TRAP1: variants seen among roughly 807,000 people sequenced by gnomAD.
TRAP1 encodes heat shock protein 75 kDa, mitochondrial.
TRAP1 carries 102 observed loss-of-function variants against 89.1 expected under a neutral mutation model. The observed-to-expected ratio is 1.15, with a 90% CI of 0.98 to 1.35. The LOEUF is 1.35. Among genes scored for constraint, TRAP1 ranks in the 40% most tolerant of loss-of-function variants. The pLI is 0.00. For missense variants in TRAP1, 1,256 were observed against 945.3 expected, an observed-to-expected ratio of 1.33 and a Z score of -4.31; for synonymous variants, 508 against 388.0, an observed-to-expected ratio of 1.31 and a Z score of -3.64.
chr16:3,698,496 G>GTT (rs2051320714), intron 1 of TRAP1, among the ~76,000 whole-genome samples: 1 of 151,742 alleles, frequency 6.6e-6, no homozygotes, highest in African/African-American at 2.4e-5. Flanking sequence ...TAGAGATGGG[G>GTT]TTTCACCGTG....
At position 3,663,033 on chromosome 16, in the gene TRAP1, A is replaced by G. The variant is rs2043174072; in HGVS notation, c.1709-66T>C. 4.5e-5 allele frequency: 59 copies of G among 1,299,028 alleles called. 1 individual carries two copies. The South Asian group carries it at 7.3e-4, about 16-fold the overall frequency. 80.5% of individuals were successfully genotyped at this position (1,299,028 alleles called of 1,614,324 possible). A position where few individuals can be genotyped will look rare whatever the true frequency, so the allele number is the denominator to read the frequency against. Reference sequence around the variant, plus strand: ...CAACTCCCCGGCTTCCATGGGGGCCACGCAGCATGCTTCCAGCTCCCACCT... The same window carrying G: ...CAACTCCCCGGCTTCCATGGGGGCCGCGCAGCATGCTTCCAGCTCCCACCT... On this transcript the variant is annotated intron_variant, in intron 14 of 17. Transcript: ENST00000246957.
In TRAP1 at chr16:3,717,325, G is replaced by A. The variant is rs2051610884; in HGVS notation, c.88+96C>T. ...TCGCCGGACCTCCCACGCCTGTGAA[G>A]CAGGTGCCGGCGCCTCGCTCCCCGG... On this transcript the variant is annotated intron_variant, in intron 1 of 17. Transcript: ENST00000246957. 19 of 431,944 alleles carry A rather than the reference G, an allele frequency of 4.4e-5. No individual in the cohort carries two copies. The South Asian group carries it at 1.7e-3, about 38-fold the overall frequency. 26.8% of individuals were successfully genotyped at this position (431,944 alleles called of 1,614,324 possible).
At chr16:3,677,898 C>A in intron 5 of TRAP1, 1 of 494,914 alleles carries the variant, frequency 2.0e-6, no homozygotes, top group Non-Finnish European at 3.6e-6. Flanking sequence ...TCCCAAAGCT[C>A]ACAGTCCTGC....
chr16:3,711,782 G>A (rs904656568), intron 1 of TRAP1, among the ~76,000 whole-genome samples: 3 of 152,130 alleles, frequency 2.0e-5, no homozygotes, highest in African/African-American at 4.8e-5. Context: ...GTTAAATGCT[G>A]TGGAACTACA....
intron 12 of TRAP1, 60 bp from the exon 13 acceptor site, chr16:3,664,519 C>T: frequency 6.6e-7 from 1 of 1,525,650 alleles, no homozygotes. Flanking sequence ...TGTTGCCCAA[C>T]TAACTGGGCG....
rs762163132 is a variant in TRAP1, at chr16:3,677,541, A to G, written c.661T>C (p.Ser221Pro). The G allele has an allele frequency of 1.7e-5, 27 of 1,614,054 alleles. No homozygotes were observed. The highest frequency in any genetic ancestry group is 2.0e-5 in the Non-Finnish European group (24 of 1,180,044). The part of the protein sequence containing the change: ...VADRVEVYSR[S>P]AAPGSLGYQW... ...TAACCCAGGCTCCCCGGGGCTGCCG[A>G]GCGGGAATAGACCTCCACTCTGTCA... The change falls in exon 6 of 18, where the codon TCG (serine) becomes CCG (proline). Residue 221 changes from serine to proline, a missense_variant. Transcript: ENST00000246957.
chr16:3,662,667 G>A (rs1282807871), intron 15 of TRAP1: 3 of 690,238 alleles, frequency 4.3e-6, no homozygotes, highest in Non-Finnish European at 7.9e-6. Flanking sequence ...CACCTGCTCT[G>A]GAGCAGGGCT....
rs182521999 is a variant in TRAP1, at chr16:3,706,839, G to T, written c.88+10582C>A. 2.6e-3 allele frequency among the ~76,000 whole-genome samples: 390 copies of T among 152,170 alleles called. 2 individuals are homozygous for T. Among genetic ancestry groups the T allele is most frequent in the African/African-American group, 9.2e-3 (381 of 41,522 alleles). On this transcript the variant is annotated intron_variant, in intron 1 of 17. Transcript: ENST00000246957. ...GAATAATGCTGCTATGAACATTCATGTGTAGGCTGTTCTGTGGACATGTTT... is the reference window on the plus strand; with the variant it reads ...GAATAATGCTGCTATGAACATTCATTTGTAGGCTGTTCTGTGGACATGTTT...
chr16:3,684,676 G>A (rs1442343294), intron 4 of TRAP1, among the ~76,000 whole-genome samples: 1 of 152,128 alleles, frequency 6.6e-6, no homozygotes, highest in African/African-American at 2.4e-5. Flanking sequence ...CGTAATCCCA[G>A]CTACTCAGGA....
At chr16:3,692,076 T>C (rs749294538) in intron 1 of TRAP1, among the ~76,000 whole-genome samples, 1 of 152,116 alleles carries the variant, frequency 6.6e-6, no homozygotes, top group African/African-American at 2.4e-5. Flanking sequence ...GTCAGTAGAT[T>C]TGCAATACGT....
intron 11 of TRAP1, among the ~76,000 whole-genome samples, chr16:3,669,176 C>A (rs2050876846): frequency 6.6e-6 from 1 of 152,248 alleles, no homozygotes; most frequent in Admixed American, 6.5e-5. Context: ...GCCCTCTCTT[C>A]ACTGAAGTGA....
At chr16:3,685,564 T>C (rs1012204842) in intron 4 of TRAP1, among the ~76,000 whole-genome samples, 1 of 152,124 alleles carries the variant, frequency 6.6e-6, no homozygotes, top group African/African-American at 2.4e-5. Flanking sequence ...GGCCCCTACC[T>C]GATCCTCTTT....
At position 3,662,983 on chromosome 16, in the gene TRAP1, C is replaced by T. The variant is rs181018245; in HGVS notation, c.1709-16G>A. The T allele has an allele frequency of 1.4e-4, 223 of 1,585,858 alleles. 1 individual carries two copies. The East Asian group carries it at 3.0e-3, about 21-fold the overall frequency. The stretch of plus-strand genomic sequence containing the variant: ...CACTCGGCGGCTGCGGAAGAGCAGG[C>T]GACAGGGAGCTCAGGCCTGCATCCC... On this transcript the variant is annotated splice_polypyrimidine_tract_variant and intron_variant, in intron 14 of 17. Coordinates refer to ENST00000246957, the MANE Select transcript of TRAP1 (RefSeq NM_016292.3).
At chr16:3,713,030 G>C (rs1421480429) in intron 1 of TRAP1, among the ~76,000 whole-genome samples, 1 of 152,202 alleles carries the variant, frequency 6.6e-6, no homozygotes, top group Admixed American at 6.6e-5. Context: ...CCGTCTAAGT[G>C]CCAGCACCAC....
chr16:3,672,369 G>A (rs922172111), intron 10 of TRAP1, among the ~76,000 whole-genome samples: 2 of 152,146 alleles, frequency 1.3e-5, no homozygotes, highest in African/African-American at 4.8e-5. Context: ...TCGCACCTCT[G>A]TGTACCAAGG....
chr16:3,680,225 A>G, intron 4 of TRAP1: 1 of 152,240 alleles, frequency 6.6e-6, no homozygotes. Context: ...ACAGAGTGAG[A>G]CTCCATCTCA....
chr16:3,710,103 C>A (rs762333242), intron 1 of TRAP1, among the ~76,000 whole-genome samples: 15 of 152,182 alleles, frequency 9.9e-5, no homozygotes, highest in Non-Finnish European at 1.9e-4. Context: ...CTATGATATA[C>A]TGATACTTCA....
At chr16:3,710,175 C>T (rs1416443146) in intron 1 of TRAP1, among the ~76,000 whole-genome samples, 2 of 152,176 alleles carry the variant, frequency 1.3e-5, no homozygotes, top group African/African-American at 2.4e-5. Flanking sequence ...AAGGGCACCT[C>T]GGAATAGTCA....
At chr16:3,659,572 T>TAACATGAATATTATAATTTTTC (rs2042944516) in intron 16 of TRAP1, 1 of 152,178 alleles carries the variant, frequency 6.6e-6, no homozygotes, top group Non-Finnish European at 1.5e-5. Context: ...TATTTAACCT[T>TAACATGAATATTATAATTTTTC]AACATGAATA....
Sources: gnomAD v4.1 joint callset for allele counts (sites outside exome capture counted in the v4.1 genomes callset) on GRCh38, gnomAD v4.1.1 for gene constraint, MANE v1.5 for transcripts, NCBI Gene and HGNC (gene_info 2026-07-23, HGNC 2026-07-21) for gene names.